Variants in MYOF observed in about 807,000 individuals in gnomAD.
MYOF encodes myoferlin, also known as fer-1-like 3, myoferlin.
MYOF carries 244 observed loss-of-function variants against 284.2 expected under a neutral mutation model. That is an observed-to-expected ratio of 0.86 (90% CI 0.77 to 0.95). The LOEUF (loss-of-function observed/expected upper bound fraction) is 0.95, where lower values mean the gene tolerates loss of function less well. Among genes scored for constraint, MYOF ranks in the 40% least tolerant of loss-of-function variants. MYOF has a pLI of 0.00. For missense variants in MYOF, 2,496 were observed against 2,560.6 expected, an observed-to-expected ratio of 0.97 and a Z score of 0.54; for synonymous variants, 904 against 919.7, an observed-to-expected ratio of 0.98 and a Z score of 0.31.
intron 5 of MYOF, among the ~76,000 whole-genome samples, chr10:93,412,287 GC>G (rs200012386): frequency 0.015 from 2,287 of 152,236 alleles, 26 homozygotes; most frequent in Middle Eastern, 0.027. Context: ...TCTTTTTCAG[GC>G]TACTGGGAAA....
At chr10:93,353,597 T>A (rs1421495425) in intron 32 of MYOF, among the ~76,000 whole-genome samples, 1 of 152,186 alleles carries the variant, frequency 6.6e-6, no homozygotes, top group Admixed American at 6.5e-5. Context: ...ACCAAAAGTA[T>A]CTTCTATGTA....
At chr10:93,373,888 T>C (rs1845712237) in intron 23 of MYOF, among the ~76,000 whole-genome samples, 1 of 152,154 alleles carries the variant, frequency 6.6e-6, no homozygotes, top group African/African-American at 2.4e-5. Context: ...TACTTTAAGT[T>C]CTAGGGTACA....
At chr10:93,317,786 C>T (rs1467655898) in intron 49 of MYOF, among the ~76,000 whole-genome samples, 3 of 152,234 alleles carry the variant, frequency 2.0e-5, no homozygotes, top group African/African-American at 7.2e-5. Context: ...TTAACTAAGA[C>T]TAAACATCTT....
intron 45 of MYOF, among the ~76,000 whole-genome samples, chr10:93,328,528 A>G (rs2133793661): frequency 6.6e-6 from 1 of 152,326 alleles, no homozygotes; most frequent in Admixed American, 6.5e-5. Context: ...ACTTTGTATA[A>G]AGCTCTAATG....
chr10:93,318,055 G>A (rs1018115328), intron 49 of MYOF, among the ~76,000 whole-genome samples: 6 of 152,090 alleles, frequency 3.9e-5, no homozygotes, highest in African/African-American at 9.7e-5. Context: ...GGGTAAACAG[G>A]AAAGGTAACC....
At chr10:93,446,105 C>A (rs988264050) in intron 3 of MYOF, among the ~76,000 whole-genome samples, 4 of 152,068 alleles carry the variant, frequency 2.6e-5, no homozygotes, top group African/African-American at 9.7e-5. Flanking sequence ...TCATGATTCC[C>A]AGCTGAGGAT....
At chr10:93,429,876 T>C (rs1848756059) in intron 4 of MYOF, among the ~76,000 whole-genome samples, 3 of 152,176 alleles carry the variant, frequency 2.0e-5, no homozygotes, top group Admixed American at 1.3e-4. Flanking sequence ...TTAAAGCACA[T>C]GCACTAGAGA....
chr10:93,415,775 C>G (rs573719339), intron 5 of MYOF, among the ~76,000 whole-genome samples: 7 of 152,326 alleles, frequency 4.6e-5, no homozygotes, highest in African/African-American at 1.4e-4. Context: ...AGTTTTGCCT[C>G]TTTATACGTT....
intron 21 of MYOF, among the ~76,000 whole-genome samples, chr10:93,378,110 C>T (rs899686391): frequency 4.6e-5 from 7 of 152,146 alleles, no homozygotes; most frequent in African/African-American, 9.7e-5. Context: ...GGAGAAATAG[C>T]GATTTACGGA....
rs1299052846 is a variant in MYOF, at chr10:93,310,604, CCTT to C, written c.5926_5928del (p.Lys1976del). The C allele has an allele frequency of 5.6e-6, 9 of 1,614,174 alleles. No individual in the cohort carries two copies. The highest frequency in any genetic ancestry group is 1.7e-5 in the Admixed American group (1 of 60,024). The stretch of plus-strand genomic sequence containing the variant: ...TTCCCGGCTGGCCTCTCGTCGGCCT[CCTT>C]CTCGTTGAGGATTTCCAATGTCATC... On this transcript the variant is annotated inframe_deletion, in exon 52 of 54. Transcript: ENST00000359263.
intron 17 of MYOF, among the ~76,000 whole-genome samples, chr10:93,391,630 C>T (rs371575910): frequency 8.6e-5 from 13 of 151,900 alleles, no homozygotes; most frequent in Middle Eastern, 3.2e-3. Context: ...AAAAGAAAAC[C>T]CATTCTCTCA....
At chr10:93,465,528 T>TTC (rs2056984618) in intron 1 of MYOF, among the ~76,000 whole-genome samples, 3 of 105,020 alleles carry the variant, frequency 2.9e-5, no homozygotes, top group Non-Finnish European at 4.0e-5. Context: ...TTCTTTCTTT[T>TTC]TTTTCTTTTC....
chr10:93,356,290 C>T (rs748563584), intron 30 of MYOF, among the ~76,000 whole-genome samples: 6 of 152,114 alleles, frequency 3.9e-5, no homozygotes, highest in Non-Finnish European at 7.3e-5. Flanking sequence ...TTTCCTCCCC[C>T]GACATCTGTA....
rs1308973734 is a variant in MYOF at position 93,482,104 on chromosome 10, T to C, written c.88+3A>G. On this transcript the variant is annotated splice_donor_region_variant and intron_variant, in intron 1 of 53. Coordinates refer to ENST00000359263, the MANE Select transcript of MYOF (RefSeq NM_013451.4). ...TCAGAAAAAGAAGAAAACTTTTTCT[T>C]ACCCTTAAAAATGACAGAAACAATA... 3 of 1,612,914 alleles carry C rather than the reference T, an allele frequency of 1.9e-6. No homozygotes were observed. The highest frequency in any genetic ancestry group is 2.2e-5 in the South Asian group (2 of 90,978).
intron 1 of MYOF, among the ~76,000 whole-genome samples, chr10:93,478,694 T>A (rs1344583345): frequency 6.6e-6 from 1 of 151,388 alleles, no homozygotes; most frequent in African/African-American, 2.4e-5. Flanking sequence ...TAGCTGGGCA[T>A]GGTGGTGTGT....
intron 5 of MYOF, among the ~76,000 whole-genome samples, chr10:93,416,598 CTT>C (rs374329657): frequency 0.57 from 68,634 of 119,602 alleles, 21,290 homozygotes; most frequent in Non-Finnish European, 0.75. Context: ...TTTGATCAGG[CTT>C]TTTTTTTTTT....
rs555818707 is a variant in MYOF, at chr10:93,346,029, GA to G, written c.4249+1587del. On this transcript the variant is annotated intron_variant, in intron 37 of 53. Coordinates refer to ENST00000359263, the MANE Select transcript of MYOF (RefSeq NM_013451.4). ...AAACCTTCTCTCATGAAAACAGTAAGAAAAAAAAAGCCAGGAAAGTGGTTTC... is the reference window on the plus strand; with the variant it reads ...AAACCTTCTCTCATGAAAACAGTAAGAAAAAAAAGCCAGGAAAGTGGTTTC... 3.5e-3 allele frequency among the ~76,000 whole-genome samples: 533 copies of G among 150,744 alleles called. 2 individuals carry two copies. The highest frequency in any genetic ancestry group is 6.7e-3 in the Non-Finnish European group (455 of 67,568).
At chr10:93,414,805 A>G (rs1589532048) in intron 5 of MYOF, among the ~76,000 whole-genome samples, 1 of 151,888 alleles carries the variant, frequency 6.6e-6, no homozygotes, top group East Asian at 2.0e-4. Context: ...GTGTAGTGGT[A>G]CAATTTCAGC....
Position 93,396,131 on chromosome 10 carries a change from G to A in MYOF, c.1417+11C>T, listed in dbSNP as rs892404105. On this transcript the variant is annotated intron_variant, in intron 16 of 53. Transcript: ENST00000359263. ...TATCCAGTCTTGTTCTAGATCTGTTGAGTGACTTACCTTCCACTTCCCCAC... is the reference window on the plus strand; with the variant it reads ...TATCCAGTCTTGTTCTAGATCTGTTAAGTGACTTACCTTCCACTTCCCCAC... 1.3e-6 allele frequency: 2 copies of A among 1,595,804 alleles called. No homozygotes were observed. Among genetic ancestry groups the A allele is most frequent in the African/African-American group, 1.3e-5 (1 of 74,384 alleles).
Sources: allele counts gnomAD v4.1 joint callset (sites outside exome capture counted in the v4.1 genomes callset), GRCh38; gene constraint gnomAD v4.1.1; transcripts MANE v1.5; gene names NCBI Gene and HGNC (gene_info 2026-07-23, HGNC 2026-07-21).